SYNE1: variants seen among roughly 807,000 people sequenced by gnomAD.
SYNE1 encodes the protein nesprin-1.
SYNE1 carries 616 observed loss-of-function variants against 1,111.0 expected under a neutral mutation model. The ratio of observed to expected loss-of-function variants is 0.55; its 90% CI spans 0.52 to 0.59. SYNE1 has a LOEUF of 0.59. Among genes scored for constraint, SYNE1 ranks in the 20% least tolerant of loss-of-function variants. SYNE1 has a pLI of 0.00. For synonymous variants in SYNE1, 3,855 were observed against 3,825.8 expected (o/e 1.01, Z -0.28); for missense variants, 10,006 against 10,417.0 (o/e 0.96, Z 1.72).
At chr6:152,221,181 A>G in intron 118 of SYNE1, 135 bp from the exon 119 acceptor site, 3 of 1,136,880 alleles carry the variant, frequency 2.6e-6, no homozygotes. Flanking sequence ...ATAAAAATTA[A>G]TGTTTCATAT....
At position 152,242,403 on chromosome 6, in the gene SYNE1, C is replaced by T. The variant is rs150387338; in HGVS notation, c.19730G>A (p.Arg6577Gln). ...YDELMMIIGSRRSGLNQNLTL... is the reference protein window; with the variant it reads ...YDELMMIIGSQRSGLNQNLTL... Reference sequence around the variant, plus strand: ...AAGGTTCTGATTCAGACCACTCCTCCGGGAGCCAATGATCATCATCAGCTC... The same window carrying T: ...AAGGTTCTGATTCAGACCACTCCTCTGGGAGCCAATGATCATCATCAGCTC... The change falls in exon 107 of 146, where the codon CGG becomes CAG. Residue 6577 changes from arginine to glutamine, a missense_variant. Coordinates refer to ENST00000367255, the MANE Select transcript of SYNE1 (RefSeq NM_182961.4). 707 of 1,613,870 alleles carry T rather than the reference C, an allele frequency of 4.4e-4. 1 individual carries two copies. The highest frequency in any genetic ancestry group is 5.5e-4 in the Non-Finnish European group (650 of 1,180,014).
chr6:152,350,288 G>T lies in SYNE1; in HGVS notation c.11781C>A (p.Tyr3927Ter). 6.2e-7 allele frequency: 1 copy of T among 1,614,124 alleles called. No individual in the cohort carries two copies. The highest frequency in any genetic ancestry group is 8.5e-7 in the Non-Finnish European group (1 of 1,180,034). The change falls in exon 72 of 146, where the codon TAC becomes TAA. Residue 3927 changes from tyrosine (Y) to a stop codon, truncating the protein, a stop_gained. Transcript: ENST00000367255. LOFTEE classifies it high-confidence loss of function. ...TTTCGACCTCTTGGAGCTCACTGTT[G>T]TAGTCTTCATGGTCTTTGACTTTCG... ...LEAKVKDHED[Y>*]NSELQEVEKW...
At chr6:152,128,875 C>T (rs2054443385) in intron 145 of SYNE1, 1 of 152,234 alleles carries the variant, frequency 6.6e-6, no homozygotes, top group Admixed American at 6.5e-5. Context: ...GGGTGTGCCC[C>T]AAACAGAGGT....
Position 152,350,724 on chromosome 6 carries a change from A to G in SYNE1, c.11627T>C (p.Val3876Ala), listed in dbSNP as rs372944688. 3.8e-5 allele frequency: 61 copies of G among 1,613,968 alleles called. No individual in the cohort carries two copies. The highest frequency in any genetic ancestry group is 4.7e-5 in the Non-Finnish European group (55 of 1,180,034). Residue 3876 changes from valine to alanine, a missense_variant, in exon 71 of 146, where the codon GTG becomes GCG. Coordinates refer to ENST00000367255, the MANE Select transcript of SYNE1 (RefSeq NM_182961.4). ...VLSHEPSVKS[V>A]REKGEALLEL... ...CAAAAGAGCTTCACCCTTCTCTCTC[A>G]CTGACTTTACTGATGGTTCATGGGA...
intron 135 of SYNE1, among the ~76,000 whole-genome samples, chr6:152,151,088 G>A (rs2060328068): frequency 6.6e-6 from 1 of 152,058 alleles, no homozygotes. Flanking sequence ...CGGACTTGGT[G>A]GTATGTGCCT....
chr6:152,309,551 A>T (rs970151187), intron 90 of SYNE1, among the ~76,000 whole-genome samples: 1 of 152,230 alleles, frequency 6.6e-6, no homozygotes, highest in Non-Finnish European at 1.5e-5. Flanking sequence ...ATAATAAGAG[A>T]TAAAAACATG....
intron 91 of SYNE1, among the ~76,000 whole-genome samples, chr6:152,307,501 T>C (rs144136459): frequency 1.1e-3 from 168 of 152,264 alleles, no homozygotes; most frequent in African/African-American, 3.9e-3. Context: ...CTCCCAGTTA[T>C]TTACCAAAAT....
chr6:152,168,213 C>T (rs777006030), intron 130 of SYNE1: 4 of 760,614 alleles, frequency 5.3e-6, no homozygotes, highest in South Asian at 1.4e-5. Context: ...ATGAAGCTTC[C>T]ACTTGCAAAA....
chr6:152,586,503 T>C (rs1478638873), intron 3 of SYNE1, among the ~76,000 whole-genome samples: 1 of 152,142 alleles, frequency 6.6e-6, no homozygotes, highest in Non-Finnish European at 1.5e-5. Context: ...ATTGATAATA[T>C]ATGTAACTAA....
intron 129 of SYNE1, among the ~76,000 whole-genome samples, chr6:152,178,042 T>A (rs980403450): frequency 2.0e-5 from 3 of 151,088 alleles, no homozygotes; most frequent in Non-Finnish European, 4.4e-5. Flanking sequence ...AAAAGCCCTT[T>A]AAAAAAAAAC....
chr6:152,344,565 CT>C (rs1327984530), intron 73 of SYNE1, among the ~76,000 whole-genome samples: 1 of 152,160 alleles, frequency 6.6e-6, no homozygotes, highest in Non-Finnish European at 1.5e-5. Context: ...GTTTTTGCAG[CT>C]TCTCTTCCTA....
chr6:152,358,922 G>A (rs75530749), intron 65 of SYNE1, among the ~76,000 whole-genome samples: 4,231 of 152,192 alleles, frequency 0.028, 85 homozygotes, highest in Non-Finnish European at 0.044. Context: ...AGTAGAATGC[G>A]CTCTGAAAAA....
intron 22 of SYNE1, 76 bp from the exon 23 acceptor site, chr6:152,456,120 C>T: frequency 6.7e-7 from 1 of 1,497,866 alleles, no homozygotes; most frequent in Non-Finnish European, 9.1e-7. Context: ...GTGACCATTA[C>T]AGATAATAAG....
At chr6:152,495,813 AC>A (rs1201459098) in intron 11 of SYNE1, among the ~76,000 whole-genome samples, 1 of 152,144 alleles carries the variant, frequency 6.6e-6, no homozygotes, top group African/African-American at 2.4e-5. Flanking sequence ...AGGGATAAGA[AC>A]CCCTTCCCGT....
chr6:152,291,274 T>A (rs2094594530), intron 95 of SYNE1, among the ~76,000 whole-genome samples: 1 of 145,376 alleles, frequency 6.9e-6, no homozygotes, highest in Admixed American at 7.0e-5. Flanking sequence ...ATATATGCAA[T>A]TATATTAATA....
Position 152,311,049 on chromosome 6 carries a change from C to T in SYNE1, c.16711-176G>A, listed in dbSNP as rs534727255. ...GCCACTTACTATTATAACTATTTCA[C>T]AGAAAAAGAAATCACAGTTTAGGAA... is the stretch of plus-strand genomic sequence containing the variant. On this transcript the variant is annotated intron_variant, in intron 87 of 145. Coordinates refer to ENST00000367255, the MANE Select transcript of SYNE1 (RefSeq NM_182961.4). 3 of 669,732 alleles carry T rather than the reference C, an allele frequency of 4.5e-6. No homozygotes were observed. In the Admixed American group the frequency reaches 7.0e-5, roughly 16 times the overall value. 41.5% of individuals were successfully genotyped at this position (669,732 alleles called of 1,614,324 possible).
intron 63 of SYNE1, among the ~76,000 whole-genome samples, chr6:152,364,625 A>T (rs374437991): frequency 1.3e-4 from 19 of 151,132 alleles, no homozygotes; most frequent in African/African-American, 4.4e-4. Context: ...AATCAAGAGA[A>T]AACAGGGGGA....
chr6:152,330,498 C>T lies in SYNE1; in HGVS notation c.14187G>A (p.Ala4729=), dbSNP rs886042872. ...CTTTTTTCTGGTTCAGTTCATCCACCGCCTCCCCAAGGCCCGCCACCTCGT... is the reference window on the plus strand; with the variant it reads ...CTTTTTTCTGGTTCAGTTCATCCACTGCCTCCCCAAGGCCCGCCACCTCGT... ...ILDEVAGLGE[A]VDELNQKKEG... is the part of the protein sequence containing the mutation. Residue 4729 remains alanine, a synonymous_variant, in exon 78 of 146, where the codon GCG becomes GCA. Coordinates refer to ENST00000367255, the MANE Select transcript of SYNE1 (RefSeq NM_182961.4). 6.8e-6 allele frequency: 11 copies of T among 1,613,938 alleles called. No individual in the cohort carries two copies. The highest frequency in any genetic ancestry group is 4.5e-5 in the East Asian group (2 of 44,884).
At chr6:152,608,025 G>T (rs1231265295) in intron 3 of SYNE1, among the ~76,000 whole-genome samples, 1 of 152,134 alleles carries the variant, frequency 6.6e-6, no homozygotes, top group Non-Finnish European at 1.5e-5. Flanking sequence ...ACACACTGGG[G>T]CCTGTTGAGG....
Sources: allele counts gnomAD v4.1 joint callset (sites outside exome capture counted in the v4.1 genomes callset), GRCh38; gene constraint gnomAD v4.1.1; transcripts MANE v1.5; gene names NCBI Gene and HGNC (gene_info 2026-07-23, HGNC 2026-07-21).